Variants in VPS35L observed in about 807,000 individuals in gnomAD.
VPS35L encodes the protein VPS35 endosomal protein sorting factor like.
In VPS35L, 83 loss-of-function variants were observed where a neutral mutation model predicts 133.0. That is an observed-to-expected ratio of 0.62 (90% CI 0.52 to 0.75). The LOEUF is 0.75. Ranked by LOEUF, VPS35L falls within the 30% of genes least tolerant of loss-of-function variation. The pLI is 0.00. For synonymous variants in VPS35L, 423 were observed against 449.9 expected (o/e 0.94, Z 0.76); for missense variants, 1,083 against 1,206.8 (o/e 0.90, Z 1.52).
rs539816706 is a variant in VPS35L at position 19,605,200 on chromosome 16, C to G, written c.785-2978C>G. ...TTGGCAAATAAATGAAAGAACTAGA[C>G]TCATTGGTCTCCTGCCTTCTCTTAA... is the stretch of plus-strand genomic sequence containing the variant. On this transcript the variant is annotated intron_variant, in intron 9 of 30. Transcript: ENST00000417362. Among the ~76,000 whole-genome samples, 4 of 152,278 alleles carry G rather than the reference C, an allele frequency of 2.6e-5. No individual in the cohort carries two copies. In the South Asian group the frequency reaches 8.3e-4, roughly 32 times the overall value.
chr16:19,685,708 AG>A (rs1434405115), intron 28 of VPS35L, among the ~76,000 whole-genome samples: 1 of 152,120 alleles, frequency 6.6e-6, no homozygotes, highest in Non-Finnish European at 1.5e-5. Context: ...CAGCTGTTCT[AG>A]GAGTGGAGTT....
chr16:19,601,837 A>G, intron 9 of VPS35L, 114 bp downstream of exon 9: 1 of 1,036,866 alleles, frequency 9.6e-7, no homozygotes, highest in Non-Finnish European at 1.4e-6. Flanking sequence ...TGGGTGTGTT[A>G]AAGTAAAAGA....
In VPS35L at chr16:19,700,078, T is replaced by C. The variant is rs537306463; in HGVS notation, c.2794-300T>C. Among the ~76,000 whole-genome samples the C allele has an allele frequency of 1.2e-4, 18 of 152,328 alleles. No individual in the cohort carries two copies. The South Asian group carries it at 3.1e-3, about 26-fold the overall frequency. ...CACCGCTGCACTCCAGCCTGGGTGA[T>C]AGAGCAGGACCTTGTCTCCAAAACA... On this transcript the variant is annotated intron_variant, in intron 30 of 30. Coordinates refer to ENST00000417362, the MANE Select transcript of VPS35L (RefSeq NM_020314.7).
rs762266891 is a variant in VPS35L, at chr16:19,639,997, T to A, written c.1699-18T>A. On this transcript the variant is annotated intron_variant, in intron 20 of 30. Coordinates refer to ENST00000417362, the MANE Select transcript of VPS35L (RefSeq NM_020314.7). This position sits in a 1 kb window ranked among gnomAD's most constrained non-coding sequence, Gnocchi z 4.1. ...TAACTTGTGTCATTTGCATATAGAG[T>A]GCTTGCTTTATTTATAGGAAAAATT... is the stretch of plus-strand genomic sequence containing the variant. 69 of 1,601,978 alleles carry A rather than the reference T, an allele frequency of 4.3e-5. No individual in the cohort carries two copies. The highest frequency in any genetic ancestry group is 8.0e-5 in the African/African-American group (6 of 74,642).
chr16:19,604,054 C>T (rs1211939430), intron 9 of VPS35L, among the ~76,000 whole-genome samples: 4 of 152,118 alleles, frequency 2.6e-5, no homozygotes, highest in South Asian at 2.1e-4. Flanking sequence ...TTAATATACA[C>T]TTGCCAGCAT....
In VPS35L at chr16:19,691,462, C is replaced by G. The variant is rs763343390; in HGVS notation, c.2637C>G (p.Ala879=). 1 of 1,613,396 alleles carries G rather than the reference C, an allele frequency of 6.2e-7. No individual in the cohort carries two copies. Among genetic ancestry groups the G allele is most frequent in the South Asian group, 1.1e-5 (1 of 91,056 alleles). ...TCCTAGAGCATCTGAAAACCCTGGC[C>G]AAGGACGAGGTGGGTGCCCTCTGCT... is the stretch of plus-strand genomic sequence containing the variant. ...AQILEHLKTL[A]KDEALKRQSS... The change falls in exon 29 of 31, where the codon GCC becomes GCG. Residue 879 remains alanine, a synonymous_variant. Coordinates refer to ENST00000417362, the MANE Select transcript of VPS35L (RefSeq NM_020314.7).
chr16:19,596,441 ATTT>A (rs113074231), intron 8 of VPS35L, among the ~76,000 whole-genome samples: 3 of 141,022 alleles, frequency 2.1e-5, no homozygotes, highest in Non-Finnish European at 1.6e-5. Flanking sequence ...TGCCCAGCGA[ATTT>A]TTTTTTTTTT....
At position 19,669,219 on chromosome 16, in the gene VPS35L, A is replaced by G. The variant is rs1974793956; in HGVS notation, c.2281A>G (p.Ile761Val). 2 of 1,613,380 alleles carry G rather than the reference A, an allele frequency of 1.2e-6. No individual in the cohort carries two copies. Among genetic ancestry groups the G allele is most frequent in the Non-Finnish European group, 1.7e-6 (2 of 1,179,426 alleles). The change falls in exon 27 of 31, where the codon ATT becomes GTT. Residue 761 changes from isoleucine (I) to valine (V), a missense_variant. By Grantham distance (29) the Ile-to-Val change is conservative. Transcript: ENST00000417362. ...TCCGGAAGTTCCAAAGATGATTAAT[A>G]TTGATGGGAAGATGCGGCCATCGGA... ...LVPEVPKMINIDGKMRPSESF... is the reference protein window; with the variant it reads ...LVPEVPKMINVDGKMRPSESF...
At chr16:19,573,332 T>G in intron 4 of VPS35L, 91 bp downstream of exon 4, 1 of 1,346,282 alleles carries the variant, frequency 7.4e-7, no homozygotes, top group Non-Finnish European at 1.0e-6. Flanking sequence ...GCTCTGTAAG[T>G]TTCACTTATT....
chr16:19,644,809 T>TA lies in VPS35L; in HGVS notation c.1866-76dup, dbSNP rs1973886965. Reference sequence around the variant, plus strand: ...AAATGTTCTTACCTGTTAAATTACTTACCCCTTGTGTATTTTTTTCTTTAG... The same window carrying TA: ...AAATGTTCTTACCTGTTAAATTACTTAACCCCTTGTGTATTTTTTTCTTTAG... On this transcript the variant is annotated intron_variant, in intron 22 of 30. Transcript: ENST00000417362. The TA allele has an allele frequency of 2.9e-6, 3 of 1,028,336 alleles. No homozygotes were observed. In the East Asian group the frequency reaches 7.4e-5, roughly 25 times the overall value. 63.7% of individuals were successfully genotyped at this position (1,028,336 alleles called of 1,614,324 possible).
In VPS35L at chr16:19,629,757, C is replaced by T. The variant is rs760615345; in HGVS notation, c.1501-10C>T. On this transcript the variant is annotated splice_polypyrimidine_tract_variant and intron_variant, in intron 17 of 30. Coordinates refer to ENST00000417362, the MANE Select transcript of VPS35L (RefSeq NM_020314.7). ...ACTTAATGTTAAGATGTTTTCCTTT[C>T]TCTTTGTAGGACTACATTAATTGTG... 5.0e-6 allele frequency: 8 copies of T among 1,612,508 alleles called. No individual in the cohort carries two copies. In the South Asian group the frequency reaches 8.8e-5, roughly 18 times the overall value.
intron 21 of VPS35L, among the ~76,000 whole-genome samples, 193 bp downstream of exon 21, chr16:19,640,293 G>A (rs757370415): frequency 1.3e-4 from 20 of 152,308 alleles, no homozygotes; most frequent in Admixed American, 3.3e-4. Flanking sequence ...AGAAGACAGA[G>A]TAGCAAGTGT....
intron 1 of VPS35L, among the ~76,000 whole-genome samples, chr16:19,559,685 A>G (rs547931125): frequency 6.6e-6 from 1 of 151,882 alleles, no homozygotes; most frequent in African/African-American, 2.4e-5. Context: ...AGGAAAATAA[A>G]TTTTTTTTAA....
At chr16:19,671,648 G>C (rs1974878720) in intron 27 of VPS35L, among the ~76,000 whole-genome samples, 1 of 151,830 alleles carries the variant, frequency 6.6e-6, no homozygotes, top group Non-Finnish European at 1.5e-5. Context: ...GTGGTGGCAG[G>C]CACCTGTAAT....
At chr16:19,637,679 C>A in intron 20 of VPS35L, 23 bp downstream of exon 20, 1 of 1,523,494 alleles carries the variant, frequency 6.6e-7, no homozygotes, top group South Asian at 1.2e-5. Flanking sequence ...TCTTAATTAT[C>A]TTTGGAAATT....
chr16:19,647,647 T>C, intron 23 of VPS35L, 137 bp from the exon 24 acceptor site: 1 of 700,772 alleles, frequency 1.4e-6, no homozygotes, highest in East Asian at 2.6e-5. Context: ...TTTTATACCC[T>C]TCGACTTCTT....
chr16:19,642,376 T>G lies in VPS35L; in HGVS notation c.1785-20T>G. On this transcript the variant is annotated intron_variant, in intron 21 of 30. Transcript: ENST00000417362. Reference sequence around the variant, plus strand: ...TGTCAGTGGACAAAACTTTGACTTTTATCTTTAAATGTCTCCTAGGCATCA... The same window carrying G: ...TGTCAGTGGACAAAACTTTGACTTTGATCTTTAAATGTCTCCTAGGCATCA... 1 of 1,609,076 alleles carries G rather than the reference T, an allele frequency of 6.2e-7. No homozygotes were observed. Among genetic ancestry groups the G allele is most frequent in the South Asian group, 1.1e-5 (1 of 90,856 alleles).
At chr16:19,572,500 T>C (rs568258627) in intron 3 of VPS35L, among the ~76,000 whole-genome samples, 12 of 152,346 alleles carry the variant, frequency 7.9e-5, no homozygotes, top group African/African-American at 2.9e-4. Context: ...CCAGTCTGCA[T>C]TTCCACCAGT....
chr16:19,668,129 C>T (rs4597301), intron 26 of VPS35L, among the ~76,000 whole-genome samples: 31,480 of 152,066 alleles, frequency 0.21, 4,023 homozygotes, highest in Non-Finnish European at 0.28. Context: ...TTTGCTGTTG[C>T]ATTTGCCCCT....
Sources: allele counts gnomAD v4.1 joint callset (sites outside exome capture counted in the v4.1 genomes callset), GRCh38; gene constraint gnomAD v4.1.1; non-coding constraint Gnocchi (gnomAD v3.1); transcripts MANE v1.5; gene names NCBI Gene and HGNC (gene_info 2026-07-23, HGNC 2026-07-21).